NHSL1: variants seen among roughly 807,000 people sequenced by gnomAD.
The protein encoded by NHSL1 is NHS-like protein 1.
NHSL1 carries 48 observed loss-of-function variants against 95.0 expected under a neutral mutation model. That is an observed-to-expected ratio of 0.51 (90% CI 0.40 to 0.64). The LOEUF is 0.64. Ranked by LOEUF, NHSL1 falls within the 30% of genes least tolerant of loss-of-function variation. NHSL1 has a pLI of 0.00. For missense variants in NHSL1, 1,971 were observed against 2,077.7 expected, an observed-to-expected ratio of 0.95 and a Z score of 1.00; for synonymous variants, 783 against 833.9, an observed-to-expected ratio of 0.94 and a Z score of 1.05.
At chr6:138,555,712 C>G (rs557930706) in intron 1 of NHSL1, among the ~76,000 whole-genome samples, 26 of 152,328 alleles carry the variant, frequency 1.7e-4, no homozygotes, top group African/African-American at 5.8e-4. Flanking sequence ...GCTTAGAAAA[C>G]TTTCTGTGTG....
intron 1 of NHSL1, among the ~76,000 whole-genome samples, chr6:138,616,613 T>C (rs986594712): frequency 3.3e-5 from 5 of 152,048 alleles, no homozygotes; most frequent in African/African-American, 1.2e-4. Context: ...TCCCAAGTAT[T>C]TGGGTCAGCA....
intron 1 of NHSL1, among the ~76,000 whole-genome samples, chr6:138,539,840 G>C (rs1782511362): frequency 6.6e-6 from 1 of 152,080 alleles, no homozygotes; most frequent in African/African-American, 2.4e-5. Flanking sequence ...CAGTCCATAG[G>C]GTAGCATCTC....
chr6:138,471,073 C>T (rs941945668), intron 3 of NHSL1, among the ~76,000 whole-genome samples: 2 of 152,146 alleles, frequency 1.3e-5, no homozygotes, highest in African/African-American at 2.4e-5. Flanking sequence ...TGTCGACCCT[C>T]TCACACACAT....
intron 3 of NHSL1, among the ~76,000 whole-genome samples, chr6:138,464,739 G>A (rs983410274): frequency 8.9e-6 from 1 of 112,194 alleles, no homozygotes; most frequent in African/African-American, 4.3e-5. Context: ...TTGAGACAGA[G>A]TCTGGCTCTG....
At chr6:138,462,485 A>G (rs1778063171) in intron 3 of NHSL1, among the ~76,000 whole-genome samples, 1 of 152,204 alleles carries the variant, frequency 6.6e-6, no homozygotes, top group Non-Finnish European at 1.5e-5. Context: ...CAGCCCAGAC[A>G]CTTCCTACTA....
intron 5 of NHSL1, among the ~76,000 whole-genome samples, chr6:138,438,531 A>G (rs1014542566): frequency 6.6e-6 from 1 of 152,218 alleles, no homozygotes; most frequent in African/African-American, 2.4e-5. Context: ...TACAGATTAA[A>G]GGATGGAACA....
chr6:138,447,613 AAAT>A (rs1776948088), intron 3 of NHSL1, among the ~76,000 whole-genome samples: 1 of 152,258 alleles, frequency 6.6e-6, no homozygotes, highest in Admixed American at 6.5e-5. Context: ...TCTCTACTAA[AAAT>A]AAAAAATTTA....
chr6:138,676,731 T>C (rs565506303), intron 1 of NHSL1, among the ~76,000 whole-genome samples: 4 of 152,230 alleles, frequency 2.6e-5, no homozygotes, highest in Non-Finnish European at 4.4e-5. Context: ...CTCAGCTCAC[T>C]ACAACCTCCA....
At chr6:138,684,389 T>C (rs1785554866) in intron 1 of NHSL1, among the ~76,000 whole-genome samples, 1 of 152,126 alleles carries the variant, frequency 6.6e-6, no homozygotes, top group Admixed American at 6.6e-5. Flanking sequence ...GACTCAAGCC[T>C]GTAATCCCAG....
At chr6:138,536,165 TC>T (rs1220313099) in intron 1 of NHSL1, among the ~76,000 whole-genome samples, 1 of 152,116 alleles carries the variant, frequency 6.6e-6, no homozygotes, top group Non-Finnish European at 1.5e-5. Context: ...TTTTGGGGGC[TC>T]CAGTTTTTCC....
chr6:138,431,793 C>T lies in NHSL1; in HGVS notation c.2552G>A (p.Gly851Glu), dbSNP rs961728469. The part of the protein sequence containing the change: ...KSHRVISPSS[G>E]YSSQSNTPTA... ...GGGTGTATTCGACTGGCTGGAATAC[C>T]CACTGGATGGAGAAATGACTCTGTG... is the stretch of plus-strand genomic sequence containing the variant. Residue 851 changes from glycine to glutamate, a missense_variant, in exon 6 of 8, where the codon GGG (glycine) becomes GAG (glutamate). By Grantham distance (98) the Gly-to-Glu change is moderately conservative. Transcript: ENST00000343505. The surrounding 1 kb of genome is among the most constrained non-coding windows in gnomAD (Gnocchi z 4.0). 1.9e-6 allele frequency: 3 copies of T among 1,551,604 alleles called. No individual in the cohort carries two copies. The highest frequency in any genetic ancestry group is 2.6e-6 in the Non-Finnish European group (3 of 1,146,944).
upstream of NHSL1, among the ~76,000 whole-genome samples, chr6:138,546,093 C>T (rs923641694): frequency 1.3e-5 from 2 of 152,140 alleles, no homozygotes; most frequent in African/African-American, 4.8e-5. Context: ...TTCATTATTC[C>T]TTTTCTGTTC....
chr6:138,658,090 T>TGG (rs1386436536), intron 1 of NHSL1, among the ~76,000 whole-genome samples: 1 of 152,190 alleles, frequency 6.6e-6, no homozygotes, highest in Admixed American at 6.5e-5. Context: ...AGTTCTATTA[T>TGG]GGTCCATAAA....
chr6:138,684,066 G>T (rs1487763975), intron 1 of NHSL1, among the ~76,000 whole-genome samples: 1 of 151,464 alleles, frequency 6.6e-6, no homozygotes, highest in Non-Finnish European at 1.5e-5. Flanking sequence ...CAAAAAATCA[G>T]CTGGGCATGG....
chr6:138,577,937 C>T (rs1783996143), intron 1 of NHSL1, among the ~76,000 whole-genome samples: 1 of 152,168 alleles, frequency 6.6e-6, no homozygotes, highest in Non-Finnish European at 1.5e-5. Context: ...CCTTTATCCA[C>T]CTTTCCACCC....
chr6:138,593,083 C>T (rs1025696745), intron 1 of NHSL1, among the ~76,000 whole-genome samples: 1 of 152,208 alleles, frequency 6.6e-6, no homozygotes. Context: ...AAAACATACA[C>T]ACCCACTTCC....
At chr6:138,652,680 T>C (rs553698244) in intron 1 of NHSL1, among the ~76,000 whole-genome samples, 44 of 152,262 alleles carry the variant, frequency 2.9e-4, no homozygotes, top group African/African-American at 9.9e-4. Flanking sequence ...AGTTAGATCA[T>C]CACTGTTATT....
At chr6:138,539,295 T>C (rs1421026037) in intron 1 of NHSL1, among the ~76,000 whole-genome samples, 2 of 152,224 alleles carry the variant, frequency 1.3e-5, no homozygotes, top group Admixed American at 6.5e-5. Flanking sequence ...GCAAAATCTA[T>C]TAATTGCTTA....
At chr6:138,609,749 C>CAAAAAA (rs10687521) in intron 1 of NHSL1, among the ~76,000 whole-genome samples, 18,690 of 105,482 alleles carry the variant, frequency 0.18, 2,024 homozygotes, top group East Asian at 0.32. Context: ...GACTCTGTCT[C>CAAAAAA]AAAAAAAAAA....
Sources: gnomAD v4.1 joint callset for allele counts (sites outside exome capture counted in the v4.1 genomes callset) on GRCh38, gnomAD v4.1.1 for gene constraint, Gnocchi (gnomAD v3.1) non-coding constraint, MANE v1.5 for transcripts, NCBI Gene and HGNC (gene_info 2026-07-23, HGNC 2026-07-21) for gene names.